The following SMARCA2 variants were observed in gnomAD, a reference collection of about 807,000 sequenced individuals.
SMARCA2 encodes the protein SWI/SNF related BAF chromatin remodeling complex subunit ATPase 2.
SMARCA2 carries 61 observed loss-of-function variants against 199.8 expected under a neutral mutation model. The observed-to-expected ratio is 0.31, with a 90% CI of 0.25 to 0.38. The LOEUF (loss-of-function observed/expected upper bound fraction) is 0.38. Among genes scored for constraint, SMARCA2 ranks in the 10% least tolerant of loss-of-function variants. The pLI is 1.00. For synonymous variants in SMARCA2, 935 were observed against 732.0 expected (o/e 1.28, Z -4.48); for missense variants, 1,344 against 2,012.2 (o/e 0.67, Z 6.35).
rs1226788749 is a variant in SMARCA2, at chr9:2,017,272, C to T, written c.-37+1868C>T. ...GGAGGGAAGTTGGACGTGGATCAGG[C>T]AGGAAAAAAAAAGTTTGGCAGGGCG... On this transcript the variant is annotated intron_variant, in intron 1 of 33. Transcript: ENST00000349721. The surrounding 1 kb of genome is among the most constrained non-coding windows in gnomAD (Gnocchi z 8.8). The T allele has an allele frequency of 5.6e-5, 8 of 143,348 alleles. No individual in the cohort carries two copies. Among genetic ancestry groups the T allele is most frequent in the Non-Finnish European group, 1.2e-4 (8 of 66,370 alleles). The allele number at this position is 143,348 out of a possible 1,614,324, so 8.9% of individuals were successfully genotyped here.
intron 27 of SMARCA2, among the ~76,000 whole-genome samples, chr9:2,137,269 G>C (rs1445018146): frequency 6.6e-6 from 1 of 152,226 alleles, no homozygotes; most frequent in African/African-American, 2.4e-5. Context: ...GCTACCCAGA[G>C]AGGTCAGTGG....
chr9:2,095,403 T>TA (rs796275392), intron 19 of SMARCA2, among the ~76,000 whole-genome samples: 23 of 147,268 alleles, frequency 1.6e-4, no homozygotes, highest in South Asian at 1.1e-3. Flanking sequence ...AAAATTTTCA[T>TA]AAAAAAAAAA....
intron 27 of SMARCA2, among the ~76,000 whole-genome samples, chr9:2,127,487 G>A (rs965528423): frequency 6.6e-6 from 1 of 152,204 alleles, no homozygotes; most frequent in Non-Finnish European, 1.5e-5. Context: ...GGTGAGGACA[G>A]CTGTTCTCCA....
intron 23 of SMARCA2, among the ~76,000 whole-genome samples, chr9:2,109,891 T>A (rs971175850): frequency 1.2e-4 from 19 of 152,128 alleles, no homozygotes; most frequent in East Asian, 3.8e-4. Context: ...TGTGTGTGTG[T>A]GAGAGTGAAA....
At chr9:2,094,006 A>G (rs2130514235) in intron 19 of SMARCA2, among the ~76,000 whole-genome samples, 1 of 152,316 alleles carries the variant, frequency 6.6e-6, no homozygotes, top group East Asian at 1.9e-4. Context: ...AACTTCTTTG[A>G]GAGAAATGAA....
At chr9:2,079,702 C>G (rs1361948788) in intron 14 of SMARCA2, among the ~76,000 whole-genome samples, 1 of 152,198 alleles carries the variant, frequency 6.6e-6, no homozygotes, top group Non-Finnish European at 1.5e-5. Context: ...TGTCATAGTC[C>G]TGAGATCCAA....
chr9:2,186,834 C>G (rs1827493676), intron 32 of SMARCA2, among the ~76,000 whole-genome samples: 1 of 149,250 alleles, frequency 6.7e-6, no homozygotes, highest in Non-Finnish European at 1.5e-5. Context: ...CCTGCAAACA[C>G]TTTCTGAATG....
intron 27 of SMARCA2, among the ~76,000 whole-genome samples, chr9:2,159,153 T>C (rs529846044): frequency 6.6e-6 from 1 of 152,390 alleles, no homozygotes; most frequent in African/African-American, 2.4e-5. Context: ...CACAAGCTTA[T>C]GCTTTTTCCC....
chr9:2,055,339 A>G (rs1820304766), intron 6 of SMARCA2, among the ~76,000 whole-genome samples: 1 of 152,200 alleles, frequency 6.6e-6, no homozygotes, highest in South Asian at 2.1e-4. Flanking sequence ...CTATTTTCTG[A>G]TTTCTAAATT....
At chr9:2,021,759 T>C (rs1045509918) in intron 1 of SMARCA2, among the ~76,000 whole-genome samples, 1 of 152,250 alleles carries the variant, frequency 6.6e-6, no homozygotes, top group Non-Finnish European at 1.5e-5. Context: ...GAACATTTAA[T>C]ATTGTATTTA....
At chr9:2,178,798 T>C (rs959445197) in intron 29 of SMARCA2, among the ~76,000 whole-genome samples, 11 of 152,300 alleles carry the variant, frequency 7.2e-5, no homozygotes, top group African/African-American at 1.9e-4. Flanking sequence ...CAAGGTATTC[T>C]ATAGGTAATG....
intron 21 of SMARCA2, among the ~76,000 whole-genome samples, chr9:2,100,823 T>C (rs1243756058): frequency 6.6e-6 from 1 of 152,200 alleles, no homozygotes; most frequent in Admixed American, 6.5e-5. Context: ...TTGATGCTGC[T>C]GATAAAGACA....
rs1823186841 is a variant in SMARCA2, at chr9:2,115,718, G to A, written c.3457-104G>A. 2.4e-6 allele frequency: 2 copies of A among 839,534 alleles called. No homozygotes were observed. The highest frequency in any genetic ancestry group is 3.8e-6 in the Non-Finnish European group (2 of 528,340). 52.0% of individuals were successfully genotyped at this position (839,534 alleles called of 1,614,324 possible). ...GTAGGCAAAATCTTACCTTAGTGAAGGTGAAATACAGAACCCTTCCATATT... is the reference window on the plus strand; with the variant it reads ...GTAGGCAAAATCTTACCTTAGTGAAAGTGAAATACAGAACCCTTCCATATT... On this transcript the variant is annotated intron_variant, in intron 24 of 33. Transcript: ENST00000349721. The surrounding 1 kb of genome is among the most constrained non-coding windows in gnomAD (Gnocchi z 6.0).
chr9:2,145,409 T>G (rs1409582043), intron 27 of SMARCA2, among the ~76,000 whole-genome samples: 1 of 152,106 alleles, frequency 6.6e-6, no homozygotes, highest in Non-Finnish European at 1.5e-5. Flanking sequence ...TAAAAGAGTT[T>G]AGACAAGACT....
intron 22 of SMARCA2, 117 bp from the exon 23 acceptor site, chr9:2,103,886 T>A: frequency 2.7e-6 from 2 of 735,362 alleles, no homozygotes; most frequent in Non-Finnish European, 4.5e-6. Context: ...CATTTCACAG[T>A]TACTTATTGA....
intron 30 of SMARCA2, 66 bp from the exon 31 acceptor site, chr9:2,182,075 T>C: frequency 9.7e-7 from 1 of 1,033,026 alleles, no homozygotes. Context: ...CTTTGTTAAC[T>C]AAGTAATGAT....
intron 27 of SMARCA2, among the ~76,000 whole-genome samples, chr9:2,152,887 A>C (rs1048484557): frequency 6.6e-6 from 1 of 152,078 alleles, no homozygotes; most frequent in Non-Finnish European, 1.5e-5. Flanking sequence ...ATAAAAAATA[A>C]AAATAATTTA....
At chr9:2,037,780 A>T (rs757930808) in intron 3 of SMARCA2, among the ~76,000 whole-genome samples, 2 of 152,218 alleles carry the variant, frequency 1.3e-5, no homozygotes, top group African/African-American at 2.4e-5. Flanking sequence ...TATGTATGTA[A>T]TGCCATATTC....
chr9:2,146,772 G>A (rs1268060333), intron 27 of SMARCA2, among the ~76,000 whole-genome samples: 1 of 152,116 alleles, frequency 6.6e-6, no homozygotes, highest in Non-Finnish European at 1.5e-5. Context: ...ACTTCCTGAT[G>A]TTGCCATGGC....
Sources: allele counts gnomAD v4.1 joint callset (sites outside exome capture counted in the v4.1 genomes callset), GRCh38; gene constraint gnomAD v4.1.1; non-coding constraint Gnocchi (gnomAD v3.1); transcripts MANE v1.5; gene names NCBI Gene and HGNC (gene_info 2026-07-23, HGNC 2026-07-21).